DLG2: variants seen among roughly 807,000 people sequenced by gnomAD.
DLG2 encodes the protein disks large homolog 2.
A neutral mutation model predicts 132.5 loss-of-function variants in DLG2; 45 were observed. The ratio of observed to expected loss-of-function variants is 0.34; its 90% CI spans 0.27 to 0.44. DLG2 has a LOEUF of 0.44. Among genes scored for constraint, DLG2 ranks in the 20% least tolerant of loss-of-function variants. DLG2 has a pLI of 1.00. For synonymous variants in DLG2, 424 were observed against 419.6 expected (o/e 1.01, Z -0.13); for missense variants, 1,045 against 1,196.9 (o/e 0.87, Z 1.87).
At chr11:84,039,118 T>C (rs1211768066) in intron 11 of DLG2, among the ~76,000 whole-genome samples, 3 of 152,082 alleles carry the variant, frequency 2.0e-5, no homozygotes, top group African/African-American at 7.2e-5. Context: ...TACACAGGAT[T>C]TTGTTCCATT....
chr11:85,419,536 G>T (rs1009765732), intron 3 of DLG2, among the ~76,000 whole-genome samples: 1 of 152,168 alleles, frequency 6.6e-6, no homozygotes, highest in Non-Finnish European at 1.5e-5. Flanking sequence ...TTCCAACTTG[G>T]CTCCATTCTT....
chr11:84,989,334 C>A (rs770090132), intron 6 of DLG2, among the ~76,000 whole-genome samples: 1 of 152,122 alleles, frequency 6.6e-6, no homozygotes, highest in Non-Finnish European at 1.5e-5. Flanking sequence ...TGCCACCACG[C>A]CCGGCTAATT....
chr11:85,433,160 G>A (rs1425162005), intron 3 of DLG2, among the ~76,000 whole-genome samples: 1 of 152,130 alleles, frequency 6.6e-6, no homozygotes, highest in Non-Finnish European at 1.5e-5. Context: ...AAAAGCTCCT[G>A]AAGGAAGCAT....
chr11:85,612,491 C>T (rs1462362057), intron 2 of DLG2, among the ~76,000 whole-genome samples: 1 of 152,196 alleles, frequency 6.6e-6, no homozygotes, highest in African/African-American at 2.4e-5. Context: ...GAGCTGTTTG[C>T]ACTCAGCCAA....
At chr11:84,664,227 A>C (rs552798507) in intron 6 of DLG2, among the ~76,000 whole-genome samples, 1 of 152,308 alleles carries the variant, frequency 6.6e-6, no homozygotes, top group Non-Finnish European at 1.5e-5. Flanking sequence ...ATTTGTGTAC[A>C]TATCGTTCCC....
At chr11:84,778,553 T>G (rs2071118674) in intron 6 of DLG2, among the ~76,000 whole-genome samples, 1 of 152,220 alleles carries the variant, frequency 6.6e-6, no homozygotes, top group African/African-American at 2.4e-5. Flanking sequence ...ATAGTCATGT[T>G]AACAATATTA....
intron 6 of DLG2, among the ~76,000 whole-genome samples, chr11:84,901,404 G>A (rs1326581034): frequency 3.3e-5 from 5 of 152,056 alleles, no homozygotes; most frequent in Admixed American, 6.6e-5. Flanking sequence ...AGTTACTCAC[G>A]CACTTTACTA....
At chr11:83,575,424 T>C (rs1476224966) in intron 19 of DLG2, among the ~76,000 whole-genome samples, 1 of 152,086 alleles carries the variant, frequency 6.6e-6, no homozygotes, top group Non-Finnish European at 1.5e-5. Context: ...TCAACATGGC[T>C]AGAGTTTGCA....
chr11:84,696,463 T>G (rs1242003470), intron 6 of DLG2, among the ~76,000 whole-genome samples: 1 of 151,530 alleles, frequency 6.6e-6, no homozygotes, highest in Non-Finnish European at 1.5e-5. Context: ...ACCTTGACTT[T>G]GCTGTTGATA....
At chr11:84,925,692 G>A (rs11819885) in intron 6 of DLG2, among the ~76,000 whole-genome samples, 2,619 of 152,228 alleles carry the variant, frequency 0.017, 65 homozygotes, top group African/African-American at 0.059. Context: ...AGGCAATAGA[G>A]TAAGTCTAGG....
chr11:84,701,191 A>ATT (rs112132617), intron 6 of DLG2, among the ~76,000 whole-genome samples: 2 of 148,756 alleles, frequency 1.3e-5, no homozygotes, highest in African/African-American at 4.9e-5. Flanking sequence ...CTTCCAATAC[A>ATT]TTTTTTTTTT....
chr11:85,506,796 T>C (rs1287115349), intron 3 of DLG2, among the ~76,000 whole-genome samples: 1 of 152,204 alleles, frequency 6.6e-6, no homozygotes, highest in African/African-American at 2.4e-5. Context: ...CTCGTTGATC[T>C]GTCTAATGTT....
chr11:84,835,460 A>T (rs1038003767), intron 6 of DLG2, among the ~76,000 whole-genome samples: 9 of 151,828 alleles, frequency 5.9e-5, no homozygotes, highest in South Asian at 2.1e-4. Flanking sequence ...AAAATTGGAG[A>T]TCAATTTATA....
At chr11:84,667,750 C>T (rs1272236687) in intron 6 of DLG2, among the ~76,000 whole-genome samples, 1 of 151,944 alleles carries the variant, frequency 6.6e-6, no homozygotes, top group Admixed American at 6.6e-5. Context: ...CCGCCCACCT[C>T]ATTCCCCCAA....
At chr11:85,601,536 TC>T (rs2080161245) in intron 2 of DLG2, among the ~76,000 whole-genome samples, 1 of 152,104 alleles carries the variant, frequency 6.6e-6, no homozygotes, top group Non-Finnish European at 1.5e-5. Flanking sequence ...AGACAGGGTT[TC>T]ACCACGTTGG....
At chr11:84,873,300 A>C (rs1224831691) in intron 6 of DLG2, among the ~76,000 whole-genome samples, 1 of 152,172 alleles carries the variant, frequency 6.6e-6, no homozygotes, top group African/African-American at 2.4e-5. Context: ...ACAAGCAAAG[A>C]AATGCAGGCA....
intron 7 of DLG2, among the ~76,000 whole-genome samples, chr11:84,450,285 A>G (rs2099047883): frequency 6.6e-6 from 1 of 151,940 alleles, no homozygotes; most frequent in African/African-American, 2.4e-5. Context: ...AAAAATAAAT[A>G]AAAGCAGCAA....
chr11:83,485,677 C>T (rs904317804), intron 21 of DLG2, among the ~76,000 whole-genome samples: 4 of 152,126 alleles, frequency 2.6e-5, no homozygotes, highest in South Asian at 2.1e-4. Flanking sequence ...TTTGGATGTG[C>T]GCTTTTGTCC....
intron 6 of DLG2, among the ~76,000 whole-genome samples, chr11:84,948,707 C>T (rs553223375): frequency 6.6e-6 from 1 of 152,182 alleles, no homozygotes; most frequent in Non-Finnish European, 1.5e-5. Flanking sequence ...CAATATAAAC[C>T]TAACCTGGAT....
Sources: gnomAD v4.1 joint callset for allele counts (sites outside exome capture counted in the v4.1 genomes callset) on GRCh38, gnomAD v4.1.1 for gene constraint, MANE v1.5 for transcripts, NCBI Gene and HGNC (gene_info 2026-07-23, HGNC 2026-07-21) for gene names.